KCNJ6: variants seen among roughly 807,000 people sequenced by gnomAD.
KCNJ6 encodes potassium inwardly rectifying channel subfamily J member 6, also known as G protein-activated inward rectifier potassium channel 2.
A neutral mutation model predicts 34.2 loss-of-function variants in KCNJ6; 9 were observed. That is an observed-to-expected ratio of 0.26 (90% CI 0.16 to 0.46). KCNJ6 has a LOEUF of 0.46. Ranked by LOEUF, KCNJ6 falls within the 20% of genes least tolerant of loss-of-function variation. The pLI is 1.00. For synonymous variants in KCNJ6, 196 were observed against 207.1 expected (o/e 0.95, Z 0.46); for missense variants, 236 against 531.3 (o/e 0.44, Z 5.46).
At chr21:37,756,028 A>G (rs756198081) in intron 2 of KCNJ6, among the ~76,000 whole-genome samples, 1 of 152,350 alleles carries the variant, frequency 6.6e-6, no homozygotes, top group African/African-American at 2.4e-5. Flanking sequence ...ATGCTTTTGG[A>G]TGAAAGCTCT....
At chr21:37,702,866 C>T (rs180997478) in intron 3 of KCNJ6, among the ~76,000 whole-genome samples, 13 of 152,096 alleles carry the variant, frequency 8.5e-5, no homozygotes, top group Admixed American at 1.3e-4. Flanking sequence ...AGGGAGGCTG[C>T]GGTCAAGTGC....
intron 3 of KCNJ6, among the ~76,000 whole-genome samples, chr21:37,653,937 A>G (rs3787806): frequency 0.16 from 23,792 of 151,984 alleles, 3,023 homozygotes; most frequent in African/African-American, 0.34. Context: ...AGAGAGTCCC[A>G]CCCCAACAGA....
rs968405577 is a variant in KCNJ6, at chr21:37,615,003, T to C, written c.*10156A>G. ...TGTGATAACAGGCCACATGTTTTGTTGATGCCTGTTGTCACAGAATTAGAA... is the reference window on the plus strand; with the variant it reads ...TGTGATAACAGGCCACATGTTTTGTCGATGCCTGTTGTCACAGAATTAGAA... On this transcript the variant is annotated 3_prime_UTR_variant, in exon 4 of 4. Transcript: ENST00000609713. The C allele has an allele frequency of 6.6e-6, 1 of 152,212 alleles. No individual in the cohort carries two copies. Among genetic ancestry groups the C allele is most frequent in the African/African-American group, 2.4e-5 (1 of 41,440 alleles). The allele number at this position is 152,212 out of a possible 1,614,324, so 9.4% of individuals were successfully genotyped here. A position where few individuals can be genotyped will look rare whatever the true frequency, so the allele number is the denominator to read the frequency against.
chr21:37,664,149 T>C (rs1015486707), intron 3 of KCNJ6, among the ~76,000 whole-genome samples: 2 of 152,144 alleles, frequency 1.3e-5, no homozygotes, highest in Non-Finnish European at 2.9e-5. Flanking sequence ...AGGAATTAGC[T>C]CTTAGAATTG....
chr21:37,715,174 T>C lies in KCNJ6; in HGVS notation c.26-43A>G, dbSNP rs752143361. On this transcript the variant is annotated intron_variant, in intron 2 of 3. Transcript: ENST00000609713. ...AGAAAAGAAACACTGAATGAAAGGCTGGCTCTTTGAGGACAATGGAACGGC... is the reference window on the plus strand; with the variant it reads ...AGAAAAGAAACACTGAATGAAAGGCCGGCTCTTTGAGGACAATGGAACGGC... 6 of 1,534,188 alleles carry C rather than the reference T, an allele frequency of 3.9e-6. No homozygotes were observed. In the Admixed American group the frequency reaches 1.2e-4, roughly 30 times the overall value.
Position 37,608,007 on chromosome 21 carries a change from GT to G in KCNJ6, c.*17151del, listed in dbSNP as rs1017107494. 1.6e-4 allele frequency: 25 copies of G among 152,268 alleles called. No homozygotes were observed. The highest frequency in any genetic ancestry group is 5.1e-4 in the African/African-American group (21 of 41,546). 9.4% of individuals were successfully genotyped at this position (152,268 alleles called of 1,614,324 possible). On this transcript the variant is annotated 3_prime_UTR_variant, in exon 4 of 4. Transcript: ENST00000609713. ...CTGAATCATTTCAAAGTGCTTGACAGTTGTGTAAAGACCTTTTGGTTTTGTC... is the reference window on the plus strand; with the variant it reads ...CTGAATCATTTCAAAGTGCTTGACAGTGTGTAAAGACCTTTTGGTTTTGTC...
At position 37,625,319 on chromosome 21, in the gene KCNJ6, G is replaced by T. The variant is rs2054306163; in HGVS notation, c.1112C>A (p.Ala371Asp). The T allele has an allele frequency of 6.2e-7, 1 of 1,614,220 alleles. No individual in the cohort carries two copies. Among genetic ancestry groups the T allele is most frequent in the African/African-American group, 1.3e-5 (1 of 75,052 alleles). Residue 371 changes from alanine (A) to aspartate (D), a missense_variant, in exon 4 of 4, where the codon GCC becomes GAC. By Grantham distance (126) the Ala-to-Asp change is moderately radical (BLOSUM62 -2). Around this residue, in one of 5 missense-constraint regions of KCNJ6, gnomAD observed 60 missense variants for 207.3 expected, o/e 0.29. Coordinates refer to ENST00000609713, the MANE Select transcript of KCNJ6 (RefSeq NM_002240.5). ...STPSLSAKEL[A>D]ELASRAELPL... is the part of the protein sequence containing the mutation. Reference sequence around the variant, plus strand: ...CAGCTCTGCCCTGCTGGCTAACTCGGCCAGCTCTTTGGCACTAAGGGATGG... The same window carrying T: ...CAGCTCTGCCCTGCTGGCTAACTCGTCCAGCTCTTTGGCACTAAGGGATGG...
At chr21:37,709,600 C>T (rs1328469888) in intron 3 of KCNJ6, among the ~76,000 whole-genome samples, 1 of 152,190 alleles carries the variant, frequency 6.6e-6, no homozygotes, top group African/African-American at 2.4e-5. Flanking sequence ...CAGCAGCACT[C>T]ATGGTGCAAA....
chr21:37,799,360 G>C (rs4817892), intron 2 of KCNJ6, among the ~76,000 whole-genome samples: 70,639 of 152,034 alleles, frequency 0.46, 17,489 homozygotes, highest in Middle Eastern at 0.54. Context: ...GCTTTGAAGG[G>C]GGCAGAAAGG....
chr21:37,707,031 A>C (rs1488697674), intron 3 of KCNJ6, among the ~76,000 whole-genome samples: 1 of 152,248 alleles, frequency 6.6e-6, no homozygotes, highest in Non-Finnish European at 1.5e-5. Context: ...GTTACTATCT[A>C]TAGGAATGCA....
chr21:37,832,710 G>T (rs1242484176), intron 2 of KCNJ6, among the ~76,000 whole-genome samples: 2 of 152,112 alleles, frequency 1.3e-5, no homozygotes, highest in African/African-American at 2.4e-5. Flanking sequence ...TGTATCTGGT[G>T]GGGGGCGGGG....
chr21:37,863,860 GT>G (rs56800970), intron 1 of KCNJ6, among the ~76,000 whole-genome samples: 1 of 81,078 alleles, frequency 1.2e-5, no homozygotes, highest in African/African-American at 4.7e-5. Flanking sequence ...TTTTTTTTTT[GT>G]TTTTTTTTTT....
chr21:37,777,721 A>G (rs954706929), intron 2 of KCNJ6, among the ~76,000 whole-genome samples: 1 of 152,232 alleles, frequency 6.6e-6, no homozygotes, highest in Non-Finnish European at 1.5e-5. Flanking sequence ...TGGAAGTCAT[A>G]TAACACAAGT....
At chr21:37,698,776 A>G (rs770405895) in intron 3 of KCNJ6, among the ~76,000 whole-genome samples, 1 of 150,980 alleles carries the variant, frequency 6.6e-6, no homozygotes, top group African/African-American at 2.4e-5. Flanking sequence ...GGCTTACTGT[A>G]ATCTTTACCT....
intron 2 of KCNJ6, among the ~76,000 whole-genome samples, chr21:37,784,626 C>T (rs1476396792): frequency 6.6e-6 from 1 of 152,198 alleles, no homozygotes; most frequent in Non-Finnish European, 1.5e-5. Context: ...CAAACTGTCA[C>T]ACTGCACTGA....
intron 2 of KCNJ6, among the ~76,000 whole-genome samples, chr21:37,748,318 G>T (rs777201309): frequency 1.3e-5 from 2 of 152,212 alleles, no homozygotes; most frequent in Non-Finnish European, 2.9e-5. Flanking sequence ...TTTTCTAAAA[G>T]AATATGTTAA....
intron 2 of KCNJ6, among the ~76,000 whole-genome samples, chr21:37,748,499 A>T (rs972546990): frequency 6.6e-6 from 1 of 152,154 alleles, no homozygotes; most frequent in Non-Finnish European, 1.5e-5. Flanking sequence ...AAGTCTTAAC[A>T]GTGTTTTCCA....
At chr21:37,875,065 G>C (rs1018514903) in intron 1 of KCNJ6, among the ~76,000 whole-genome samples, 1 of 152,124 alleles carries the variant, frequency 6.6e-6, no homozygotes, top group Non-Finnish European at 1.5e-5. Flanking sequence ...GACGATTGGC[G>C]AGGTCCTGAG....
chr21:37,698,541 G>T (rs1479472648), intron 3 of KCNJ6, among the ~76,000 whole-genome samples: 1 of 152,130 alleles, frequency 6.6e-6, no homozygotes, highest in African/African-American at 2.4e-5. Context: ...TTTTGTTGTT[G>T]TTGTTTGAGA....
Sources: allele counts gnomAD v4.1 joint callset (sites outside exome capture counted in the v4.1 genomes callset), GRCh38; gene constraint gnomAD v4.1.1; regional missense constraint gnomAD v4.1.1; transcripts MANE v1.5; gene names NCBI Gene and HGNC (gene_info 2026-07-23, HGNC 2026-07-21).